EVL: variants seen among roughly 807,000 people sequenced by gnomAD.
EVL encodes the protein Enah/Vasp-like.
A neutral mutation model predicts 59.6 loss-of-function variants in EVL; 21 were observed. That is an observed-to-expected ratio of 0.35 (90% CI 0.25 to 0.51). The LOEUF (loss-of-function observed/expected upper bound fraction) is 0.51. Among genes scored for constraint, EVL ranks in the 20% least tolerant of loss-of-function variants. The pLI, the probability that EVL is intolerant of heterozygous loss-of-function variation, is 0.97. For missense variants in EVL, 462 were observed against 546.6 expected (o/e 0.85, Z 1.54); for synonymous variants, 198 against 203.5 (o/e 0.97, Z 0.23).
intron 1 of EVL, among the ~76,000 whole-genome samples, chr14:100,023,732 G>A (rs967295911): frequency 6.6e-6 from 1 of 152,058 alleles, no homozygotes; most frequent in African/African-American, 2.4e-5. Flanking sequence ...AAAGTGCTGG[G>A]ATTACAGGCA....
chr14:100,038,425 A>T (rs1241960132), intron 1 of EVL, among the ~76,000 whole-genome samples: 1 of 152,168 alleles, frequency 6.6e-6, no homozygotes, highest in African/African-American at 2.4e-5. Context: ...ATGGACTCAG[A>T]TGGCGGACAA....
chr14:100,054,371 C>T (rs1407941361), intron 1 of EVL, among the ~76,000 whole-genome samples: 11 of 152,032 alleles, frequency 7.2e-5, no homozygotes, highest in Non-Finnish European at 1.6e-4. Context: ...GACATCTTTA[C>T]GCGGCCATGT....
intron 3 of EVL, among the ~76,000 whole-genome samples, chr14:100,099,379 C>T (rs1015550175): frequency 7.9e-5 from 12 of 152,084 alleles, no homozygotes; most frequent in Non-Finnish European, 2.9e-5. Context: ...TACATACAAA[C>T]ACACACCCAC....
intron 3 of EVL, among the ~76,000 whole-genome samples, chr14:100,105,333 T>G (rs1886495666): frequency 6.6e-6 from 1 of 152,068 alleles, no homozygotes; most frequent in Non-Finnish European, 1.5e-5. Flanking sequence ...TCAGCAACCC[T>G]CTAAGAACAG....
chr14:100,105,692 C>T (rs576562487), intron 3 of EVL, among the ~76,000 whole-genome samples: 3 of 151,972 alleles, frequency 2.0e-5, no homozygotes, highest in East Asian at 1.9e-4. Flanking sequence ...GGTGGTTATC[C>T]GTGGCATGTC....
chr14:100,054,581 TAGGGACACCTCCTAGGCCCCAA>T (rs562314086), intron 1 of EVL, among the ~76,000 whole-genome samples: 1 of 152,182 alleles, frequency 6.6e-6, no homozygotes, highest in Admixed American at 6.5e-5. Context: ...CCCAGACAAC[TAGGGACACCTCCTAGGCCCCAA>T]AGCCTGCTAG....
chr14:100,076,961 C>T (rs940496013), intron 1 of EVL, among the ~76,000 whole-genome samples: 1 of 152,058 alleles, frequency 6.6e-6, no homozygotes, highest in Admixed American at 6.5e-5. Flanking sequence ...TCCAGACAAC[C>T]CTATAAAGAA....
At position 100,006,316 on chromosome 14, in the gene EVL, G is replaced by C. The variant is rs997021224; in HGVS notation, c.5+34259G>C. 2.9e-5 allele frequency among the ~76,000 whole-genome samples: 4 copies of C among 140,272 alleles called. No homozygotes were observed. The Admixed American group carries it at 3.0e-4, about 10-fold the overall frequency. 92.0% of individuals were successfully genotyped at this position (140,272 alleles called of 152,430 possible). Reference sequence around the variant, plus strand: ...TTTTTTTTTTTTGAGACAGAGTTTCGTTCTGTCGCCCAGGCTGAAGTGCAG... The same window carrying C: ...TTTTTTTTTTTTGAGACAGAGTTTCCTTCTGTCGCCCAGGCTGAAGTGCAG... On this transcript the variant is annotated intron_variant, in intron 1 of 13. Coordinates refer to the EVL transcript ENST00000402714.
At chr14:100,030,239 G>A (rs949429050) in intron 1 of EVL, among the ~76,000 whole-genome samples, 1 of 151,496 alleles carries the variant, frequency 6.6e-6, no homozygotes, top group Non-Finnish European at 1.5e-5. Context: ...TTACAGACAT[G>A]TGCCACCACG....
intron 1 of EVL, among the ~76,000 whole-genome samples, chr14:99,980,871 TATTTA>T (rs945247760): frequency 3.5e-4 from 54 of 152,248 alleles, no homozygotes; most frequent in African/African-American, 1.2e-3. Context: ...ATTTTGTTTG[TATTTA>T]ATTTATAAGT....
intron 1 of EVL, among the ~76,000 whole-genome samples, chr14:100,069,361 T>C (rs765383490): frequency 3.3e-4 from 51 of 152,354 alleles, no homozygotes; most frequent in Non-Finnish European, 2.8e-4. Flanking sequence ...ATCTTGAAGC[T>C]GTAAAGATAT....
chr14:100,059,389 G>A (rs778345555), intron 1 of EVL, among the ~76,000 whole-genome samples: 49 of 152,300 alleles, frequency 3.2e-4, no homozygotes, highest in African/African-American at 1.2e-3. Flanking sequence ...AGAATTCTAC[G>A]CCACTGAAAT....
chr14:100,005,094 C>T (rs1201472), intron 1 of EVL, among the ~76,000 whole-genome samples: 1 of 152,200 alleles, frequency 6.6e-6, no homozygotes, highest in Non-Finnish European at 1.5e-5. Flanking sequence ...AAAATTATAA[C>T]AGAGACAGTG....
rs34556561 is a variant in EVL, at chr14:100,125,253, TACACACACACACACACACACACACAC to T, written c.423-1439_423-1414del. ...ACACACACCTGCCCCAAGGCAGGAA[TACACACACACACACACACACACACAC>T]ACACACACACACACGGCAGGGAGAC... On this transcript the variant is annotated intron_variant, in intron 4 of 13. Transcript: ENST00000392920. 3.3e-5 allele frequency among the ~76,000 whole-genome samples: 4 copies of T among 119,564 alleles called. No individual in the cohort carries two copies. In the East Asian group the frequency reaches 7.5e-4, roughly 23 times the overall value. The allele number at this position is 119,564 out of a possible 152,430, so 78.4% of individuals were successfully genotyped here.
At chr14:100,089,939 A>G (rs1333185931) in intron 2 of EVL, among the ~76,000 whole-genome samples, 1 of 152,196 alleles carries the variant, frequency 6.6e-6, no homozygotes, top group Non-Finnish European at 1.5e-5. Context: ...GTCTCAAAAA[A>G]AAAGCCCCAA....
At chr14:100,038,103 G>T (rs2061413876) in intron 1 of EVL, among the ~76,000 whole-genome samples, 1 of 152,152 alleles carries the variant, frequency 6.6e-6, no homozygotes, top group Non-Finnish European at 1.5e-5. Flanking sequence ...AAGGAAAGCT[G>T]AAATCATCCT....
chr14:100,096,547 A>G (rs1418365994), intron 2 of EVL, among the ~76,000 whole-genome samples: 1 of 152,156 alleles, frequency 6.6e-6, no homozygotes, highest in East Asian at 1.9e-4. Context: ...TCTCCATTTG[A>G]CAGACCAGAA....
At chr14:100,143,650 C>A in intron 13 of EVL, 51 bp from the exon 14 acceptor site, 1 of 1,606,160 alleles carries the variant, frequency 6.2e-7, no homozygotes, top group Non-Finnish European at 8.5e-7. Context: ...GATGAGGAAC[C>A]GGGCTGCACT....
intron 2 of EVL, among the ~76,000 whole-genome samples, chr14:100,095,846 G>C (rs1053957080): frequency 6.6e-6 from 1 of 152,150 alleles, no homozygotes; most frequent in African/African-American, 2.4e-5. Flanking sequence ...TCGTGCCTCA[G>C]CCTCCCAAGT....
Sources: gnomAD v4.1 joint callset for allele counts (sites outside exome capture counted in the v4.1 genomes callset) on GRCh38, gnomAD v4.1.1 for gene constraint, MANE v1.5 for transcripts, NCBI Gene and HGNC (gene_info 2026-07-23, HGNC 2026-07-21) for gene names.